The following LRRC4C variants were observed in gnomAD, a reference collection of about 807,000 sequenced individuals.
LRRC4C encodes the protein leucine-rich repeat-containing protein 4C.
A neutral mutation model predicts 33.6 loss-of-function variants in LRRC4C; 5 were observed. The ratio of observed to expected loss-of-function variants is 0.15; its 90% CI spans 0.08 to 0.31. The LOEUF is 0.31. Among genes scored for constraint, LRRC4C ranks in the 10% least tolerant of loss-of-function variants. LRRC4C has a pLI of 1.00. For synonymous variants in LRRC4C, 329 were observed against 302.0 expected, an observed-to-expected ratio of 1.09 and a Z score of -0.93; for missense variants, 560 against 796.7, an observed-to-expected ratio of 0.70 and a Z score of 3.58.
At chr11:40,164,942 G>A (rs1442529570) in intron 5 of LRRC4C, among the ~76,000 whole-genome samples, 1 of 152,112 alleles carries the variant, frequency 6.6e-6, no homozygotes, top group Non-Finnish European at 1.5e-5. Context: ...TGGTAACTAA[G>A]CTCAGGACAT....
intron 3 of LRRC4C, among the ~76,000 whole-genome samples, chr11:40,373,059 C>T (rs78697108): frequency 0.015 from 2,209 of 152,200 alleles, 47 homozygotes; most frequent in African/African-American, 0.05. Flanking sequence ...ATATTTCTGA[C>T]ATTTTTAATA....
intron 2 of LRRC4C, among the ~76,000 whole-genome samples, chr11:40,780,198 TA>T (rs931159086): frequency 2.0e-5 from 3 of 152,218 alleles, no homozygotes; most frequent in East Asian, 1.9e-4. Flanking sequence ...TTTGCCTGCA[TA>T]AAAAAATTCT....
intron 1 of LRRC4C, among the ~76,000 whole-genome samples, chr11:41,171,958 T>G (rs1218783234): frequency 6.6e-6 from 1 of 152,060 alleles, no homozygotes; most frequent in African/African-American, 2.4e-5. Context: ...CTGATAAATA[T>G]TCTCCTGAGG....
chr11:40,732,803 G>A (rs1473442507), intron 2 of LRRC4C, among the ~76,000 whole-genome samples: 1 of 152,144 alleles, frequency 6.6e-6, no homozygotes, highest in Admixed American at 6.5e-5. Flanking sequence ...AATGCTAAAT[G>A]AGGTATGCCA....
chr11:40,458,435 T>C (rs1356776961), intron 3 of LRRC4C, among the ~76,000 whole-genome samples: 1 of 152,178 alleles, frequency 6.6e-6, no homozygotes, highest in Non-Finnish European at 1.5e-5. Flanking sequence ...ATCAAGTAAT[T>C]CATAATTTCT....
intron 5 of LRRC4C, among the ~76,000 whole-genome samples, chr11:40,204,757 G>A (rs1863022153): frequency 6.6e-6 from 1 of 152,114 alleles, no homozygotes; most frequent in Non-Finnish European, 1.5e-5. Flanking sequence ...CCGTTCTTCA[G>A]CAGAGAGTTG....
intron 3 of LRRC4C, among the ~76,000 whole-genome samples, chr11:40,509,377 G>A (rs991430758): frequency 2.6e-5 from 4 of 152,092 alleles, no homozygotes; most frequent in African/African-American, 9.7e-5. Flanking sequence ...CATGGATACA[G>A]TTTATCTTCT....
intron 3 of LRRC4C, among the ~76,000 whole-genome samples, chr11:40,336,438 C>G (rs563394989): frequency 5.0e-4 from 76 of 152,302 alleles, no homozygotes; most frequent in African/African-American, 1.8e-3. Context: ...TTGAATGCCG[C>G]AGGCTACAGA....
At chr11:41,458,848 A>C (rs1956249194) in intron 1 of LRRC4C, among the ~76,000 whole-genome samples, 1 of 152,082 alleles carries the variant, frequency 6.6e-6, no homozygotes. Flanking sequence ...AATACTAAAC[A>C]ATTTCCACTT....
chr11:40,568,625 G>C (rs956359927), intron 3 of LRRC4C, among the ~76,000 whole-genome samples: 4 of 152,162 alleles, frequency 2.6e-5, no homozygotes, highest in African/African-American at 9.7e-5. Flanking sequence ...TGATTGATAT[G>C]AGCAGAAACA....
At chr11:40,777,225 G>A (rs1950035885) in intron 2 of LRRC4C, among the ~76,000 whole-genome samples, 1 of 152,156 alleles carries the variant, frequency 6.6e-6, no homozygotes, top group Admixed American at 6.5e-5. Context: ...TTCTGTAGAT[G>A]TCTATTATGT....
At chr11:40,175,564 C>T (rs1386412458) in intron 5 of LRRC4C, among the ~76,000 whole-genome samples, 5 of 152,190 alleles carry the variant, frequency 3.3e-5, no homozygotes, top group African/African-American at 9.7e-5. Flanking sequence ...CCAACCTCTT[C>T]CTCTGCAGAG....
At chr11:41,100,175 C>T (rs960021397) in intron 1 of LRRC4C, among the ~76,000 whole-genome samples, 1 of 152,058 alleles carries the variant, frequency 6.6e-6, no homozygotes, top group African/African-American at 2.4e-5. Flanking sequence ...TGAAAGAACT[C>T]TATAATGAGA....
chr11:40,691,929 C>G (rs2136407406), intron 2 of LRRC4C, among the ~76,000 whole-genome samples: 1 of 152,178 alleles, frequency 6.6e-6, no homozygotes, highest in South Asian at 2.1e-4. Flanking sequence ...TGTTTCATCA[C>G]TGTCTCCACA....
At chr11:40,509,170 T>A (rs1006601113) in intron 3 of LRRC4C, among the ~76,000 whole-genome samples, 1 of 152,176 alleles carries the variant, frequency 6.6e-6, no homozygotes, top group African/African-American at 2.4e-5. Flanking sequence ...GGAGATTGGT[T>A]AATTATGGTG....
intron 1 of LRRC4C, among the ~76,000 whole-genome samples, chr11:41,431,147 T>C (rs1955219680): frequency 6.6e-6 from 1 of 152,154 alleles, no homozygotes; most frequent in Non-Finnish European, 1.5e-5. Context: ...GTATCTACTG[T>C]ATAAACACCA....
chr11:40,129,542 G>A (rs1856502953), intron 6 of LRRC4C, among the ~76,000 whole-genome samples: 2 of 152,122 alleles, frequency 1.3e-5, no homozygotes, highest in Admixed American at 1.3e-4. Context: ...TTGTTTTCAT[G>A]ATTTGCTTCT....
intron 3 of LRRC4C, among the ~76,000 whole-genome samples, chr11:40,394,056 A>T (rs1026889119): frequency 6.6e-6 from 1 of 152,036 alleles, no homozygotes; most frequent in Non-Finnish European, 1.5e-5. Flanking sequence ...AAATGAAGGG[A>T]CAGAAAGGAT....
chr11:40,164,477 T>A lies in LRRC4C; in HGVS notation c.-95-23624A>T, dbSNP rs182123161. ...AGGCTGGTCTCCTGACCTCAGGTGA[T>A]CTGCCCACCTCAGCCTCCCAATGTG... On this transcript the variant is annotated intron_variant, in intron 5 of 6. Coordinates refer to ENST00000528697, the MANE Select transcript of LRRC4C (RefSeq NM_001258419.2). Among the ~76,000 whole-genome samples, 7 of 152,254 alleles carry A rather than the reference T, an allele frequency of 4.6e-5. No individual in the cohort carries two copies. The East Asian group carries it at 1.4e-3, about 29-fold the overall frequency.
Sources: gnomAD v4.1 joint callset for allele counts (sites outside exome capture counted in the v4.1 genomes callset) on GRCh38, gnomAD v4.1.1 for gene constraint, MANE v1.5 for transcripts, NCBI Gene and HGNC (gene_info 2026-07-23, HGNC 2026-07-21) for gene names.